CADPS: variants seen among roughly 807,000 people sequenced by gnomAD.
The protein encoded by CADPS is calcium-dependent secretion activator 1.
CADPS carries 57 observed loss-of-function variants against 167.3 expected under a neutral mutation model. That is an observed-to-expected ratio of 0.34 (90% confidence interval 0.28 to 0.42). The LOEUF is 0.42. Among genes scored for constraint, CADPS ranks in the 20% least tolerant of loss-of-function variants. CADPS has a pLI of 1.00. For missense variants in CADPS, 1,414 were observed against 1,738.1 expected (o/e 0.81, Z 3.32); for synonymous variants, 676 against 635.3 (o/e 1.06, Z -0.96).
intron 28 of CADPS, 113 bp downstream of exon 28, chr3:62,437,990 TG>T: frequency 1.4e-6 from 1 of 691,048 alleles, no homozygotes; most frequent in South Asian, 1.8e-5. Flanking sequence ...AGATTTAGTC[TG>T]AATCAGAACC....
intron 23 of CADPS, among the ~76,000 whole-genome samples, chr3:62,476,207 A>G (rs770387409): frequency 6.6e-5 from 10 of 152,280 alleles, no homozygotes; most frequent in Non-Finnish European, 8.8e-5. Flanking sequence ...TGGCATATTT[A>G]TACCTATGAA....
At chr3:62,788,065 T>A (rs1014494377) in intron 1 of CADPS, among the ~76,000 whole-genome samples, 1 of 152,180 alleles carries the variant, frequency 6.6e-6, no homozygotes, top group African/African-American at 2.4e-5. Flanking sequence ...TTGGCAGTTT[T>A]ATTAAAGGTA....
chr3:62,476,403 T>C (rs547182183), intron 23 of CADPS, among the ~76,000 whole-genome samples: 10 of 152,240 alleles, frequency 6.6e-5, no homozygotes, highest in African/African-American at 2.4e-4. Context: ...TTGTCTGCTT[T>C]TGGGCTGATT....
rs570800634 is a variant in CADPS, at chr3:62,575,297, G to A, written c.1578-4359C>T. 1.8e-4 allele frequency among the ~76,000 whole-genome samples: 28 copies of A among 152,312 alleles called. 1 individual carries two copies. The South Asian group carries it at 4.4e-3, about 24-fold the overall frequency. ...CTTAGTGAAGTGTTACAAGTTTTCT[G>A]TGCTGTGCCAGTCACTTTATGTGAA... On this transcript the variant is annotated intron_variant, in intron 8 of 29. Transcript: ENST00000383710.
intron 3 of CADPS, among the ~76,000 whole-genome samples, chr3:62,697,234 C>T (rs995612796): frequency 6.6e-6 from 1 of 151,390 alleles, no homozygotes; most frequent in African/African-American, 2.4e-5. Flanking sequence ...ACTCTGAACC[C>T]AATTCATAAT....
chr3:62,531,728 G>A (rs1198683651), intron 13 of CADPS, among the ~76,000 whole-genome samples: 1 of 152,136 alleles, frequency 6.6e-6, no homozygotes, highest in African/African-American at 2.4e-5. Flanking sequence ...CTGTTGGTTG[G>A]GGAGCTTTGG....
intron 3 of CADPS, among the ~76,000 whole-genome samples, chr3:62,749,585 T>C (rs190031943): frequency 3.9e-5 from 6 of 152,206 alleles, no homozygotes; most frequent in African/African-American, 1.2e-4. Flanking sequence ...ATCATTTCTG[T>C]ATTCTTGCTA....
chr3:62,723,829 G>A (rs992368117), intron 3 of CADPS, among the ~76,000 whole-genome samples: 6 of 152,156 alleles, frequency 3.9e-5, no homozygotes, highest in African/African-American at 4.8e-5. Flanking sequence ...CTGCCTCTGC[G>A]GGCTCTGTCT....
chr3:62,487,102 G>A (rs1440693958), intron 21 of CADPS, among the ~76,000 whole-genome samples: 1 of 152,188 alleles, frequency 6.6e-6, no homozygotes, highest in Non-Finnish European at 1.5e-5. Context: ...CCAGAGTTAA[G>A]TTCTGGCTCT....
intron 1 of CADPS, among the ~76,000 whole-genome samples, chr3:62,833,971 A>C (rs2075525448): frequency 6.6e-6 from 1 of 152,230 alleles, no homozygotes; most frequent in Admixed American, 6.5e-5. Flanking sequence ...GGGGCACTAG[A>C]AACATGTGCA....
At chr3:62,825,155 G>C (rs2073806875) in intron 1 of CADPS, among the ~76,000 whole-genome samples, 1 of 152,148 alleles carries the variant, frequency 6.6e-6, no homozygotes, top group Admixed American at 6.6e-5. Context: ...CAACCAGGAA[G>C]TTCCGTCAGT....
In CADPS at chr3:62,456,926, A is replaced by G. The variant is rs192685226; in HGVS notation, c.3636+8441T>C. Among the ~76,000 whole-genome samples the G allele has an allele frequency of 2.8e-4, 42 of 152,292 alleles. 1 individual carries two copies. Among genetic ancestry groups the G allele is most frequent in the Middle Eastern group, 3.4e-3 (1 of 294 alleles). On this transcript the variant is annotated intron_variant, in intron 26 of 29. Coordinates refer to ENST00000383710, the MANE Select transcript of CADPS (RefSeq NM_003716.4). ...GAAATGGAGATCGGCTCTCACCAGC[A>G]GGTAGGAGCCAAGCAGACTCTAGCA...
chr3:62,718,302 A>AT (rs79440636), intron 3 of CADPS, among the ~76,000 whole-genome samples: 4 of 152,120 alleles, frequency 2.6e-5, no homozygotes, highest in Non-Finnish European at 5.9e-5. Context: ...GAATGAATAC[A>AT]TTTTTTTAAA....
intron 3 of CADPS, among the ~76,000 whole-genome samples, chr3:62,709,551 A>C (rs1580881872): frequency 6.6e-6 from 1 of 152,222 alleles, no homozygotes; most frequent in South Asian, 2.1e-4. Context: ...TCCTACCTTC[A>C]GTAGCTATTT....
chr3:62,745,161 C>T (rs541942595), intron 3 of CADPS, among the ~76,000 whole-genome samples: 54 of 152,248 alleles, frequency 3.5e-4, no homozygotes, highest in African/African-American at 1.3e-3. Flanking sequence ...CAGCTCACTG[C>T]AGCCTTGGCT....
chr3:62,432,863 G>A (rs113837984), intron 28 of CADPS, among the ~76,000 whole-genome samples: 17 of 152,294 alleles, frequency 1.1e-4, no homozygotes, highest in Middle Eastern at 3.4e-3. Flanking sequence ...GGGCACTCAC[G>A]TCTGCTTATT....
chr3:62,626,861 G>A (rs1016530730), intron 6 of CADPS, among the ~76,000 whole-genome samples: 3 of 152,068 alleles, frequency 2.0e-5, no homozygotes, highest in African/African-American at 4.8e-5. Context: ...ATGTTGTGAG[G>A]GGTAGACAGA....
At chr3:62,694,800 G>T (rs1476530670) in intron 3 of CADPS, among the ~76,000 whole-genome samples, 2 of 152,032 alleles carry the variant, frequency 1.3e-5, no homozygotes, top group African/African-American at 4.8e-5. Context: ...AGGTAGAATG[G>T]TTTACTGAAG....
At chr3:62,822,983 G>A (rs968481342) in intron 1 of CADPS, among the ~76,000 whole-genome samples, 1 of 152,208 alleles carries the variant, frequency 6.6e-6, no homozygotes, top group African/African-American at 2.4e-5. Flanking sequence ...TTGAGATAAT[G>A]AACCCAGAAC....
Sources: gnomAD v4.1 joint callset for allele counts (sites outside exome capture counted in the v4.1 genomes callset) on GRCh38, gnomAD v4.1.1 for gene constraint, MANE v1.5 for transcripts, NCBI Gene and HGNC (gene_info 2026-07-23, HGNC 2026-07-21) for gene names.